STK32B: variants seen among roughly 807,000 people sequenced by gnomAD.
STK32B encodes the protein serine/threonine-protein kinase 32B.
STK32B carries 43 observed loss-of-function variants against 52.6 expected under a neutral mutation model. The observed-to-expected ratio is 0.82, with a 90% CI of 0.64 to 1.05. The LOEUF (loss-of-function observed/expected upper bound fraction) is 1.05. Ranked by LOEUF, STK32B falls within the 50% of genes least tolerant of loss-of-function variation. The pLI, the probability that STK32B is intolerant of heterozygous loss-of-function variation, is 0.00. For missense variants in STK32B, 621 were observed against 534.6 expected, an observed-to-expected ratio of 1.16 and a Z score of -1.59; for synonymous variants, 238 against 204.3, an observed-to-expected ratio of 1.17 and a Z score of -1.41.
upstream of STK32B, among the ~76,000 whole-genome samples, chr4:5,049,975 G>A (rs926799578): frequency 6.6e-6 from 1 of 152,158 alleles, no homozygotes; most frequent in Non-Finnish European, 1.5e-5. Flanking sequence ...AAGAAACTGA[G>A]TCCAGAACAG....
intron 6 of STK32B, among the ~76,000 whole-genome samples, chr4:5,445,746 C>T (rs1658885284): frequency 6.6e-6 from 1 of 152,174 alleles, no homozygotes; most frequent in Admixed American, 6.5e-5. Flanking sequence ...ATGAGCACCG[C>T]CTCTGTCTAG....
intron 9 of STK32B, among the ~76,000 whole-genome samples, chr4:5,465,185 A>G (rs370249404): frequency 7.2e-5 from 11 of 152,190 alleles, no homozygotes; most frequent in African/African-American, 2.7e-4. Flanking sequence ...CGAATGACAC[A>G]GTGACAACAA....
intron 4 of STK32B, among the ~76,000 whole-genome samples, chr4:5,335,358 T>G (rs868447332): frequency 6.6e-6 from 1 of 152,192 alleles, no homozygotes; most frequent in Non-Finnish European, 1.5e-5. Flanking sequence ...TCTATTTGAT[T>G]CTTCTCTCTT....
At chr4:5,482,534 G>A (rs1718802605) in intron 11 of STK32B, among the ~76,000 whole-genome samples, 1 of 152,186 alleles carries the variant, frequency 6.6e-6, no homozygotes, top group Non-Finnish European at 1.5e-5. Flanking sequence ...TCTGCCAACA[G>A]GGACAATTTG....
intron 3 of STK32B, among the ~76,000 whole-genome samples, chr4:5,222,641 A>G (rs1723612959): frequency 6.6e-6 from 1 of 152,262 alleles, no homozygotes; most frequent in Non-Finnish European, 1.5e-5. Context: ...GTGATGAACT[A>G]GAATATTTGC....
chr4:5,209,161 G>C (rs376258524), intron 3 of STK32B, among the ~76,000 whole-genome samples: 79 of 152,340 alleles, frequency 5.2e-4, no homozygotes, highest in African/African-American at 1.9e-3. Flanking sequence ...ATTAACAGTA[G>C]GGTGGGTGAA....
chr4:5,322,497 G>C (rs949315540), intron 3 of STK32B, among the ~76,000 whole-genome samples: 1 of 152,182 alleles, frequency 6.6e-6, no homozygotes, highest in Non-Finnish European at 1.5e-5. Flanking sequence ...CAGGAGATGA[G>C]TGTTGTAGAC....
chr4:5,181,174 C>T (rs183852327), intron 3 of STK32B, among the ~76,000 whole-genome samples: 1 of 152,276 alleles, frequency 6.6e-6, no homozygotes, highest in Admixed American at 6.5e-5. Context: ...TGTCCCCCTG[C>T]CTCAAATTCA....
At position 5,491,664 on chromosome 4, in the gene STK32B, C is replaced by A. The variant is rs541892072; in HGVS notation, c.1107-7281C>A. ...ATGAAGTCCTTGCCCATGCCTATAT[C>A]CTGAATGGTAATGCCTAGGTTTTCT... is the stretch of plus-strand genomic sequence containing the variant. On this transcript the variant is annotated intron_variant, in intron 11 of 11. Coordinates refer to ENST00000282908, the MANE Select transcript of STK32B (RefSeq NM_018401.3). Among the ~76,000 whole-genome samples the A allele has an allele frequency of 7.9e-4, 120 of 152,096 alleles. 1 individual carries two copies. The highest frequency in any genetic ancestry group is 3.4e-3 in the Middle Eastern group (1 of 294).
chr4:5,258,453 C>T (rs182221141), intron 3 of STK32B, among the ~76,000 whole-genome samples: 1 of 152,318 alleles, frequency 6.6e-6, no homozygotes, highest in Non-Finnish European at 1.5e-5. Context: ...TCCACAGCCT[C>T]TCAGGGCTCA....
chr4:5,400,200 G>T lies in STK32B; in HGVS notation c.472+1956G>T, dbSNP rs1485139229. Among the ~76,000 whole-genome samples, 1 of 152,202 alleles carries T rather than the reference G, an allele frequency of 6.6e-6. No homozygotes were observed. Among genetic ancestry groups the T allele is most frequent in the Non-Finnish European group, 1.5e-5 (1 of 68,036 alleles). ...CACAGACCTTGGCCACAGCTCCCCTGAAGCTGCTGCACAAAAGATATAGGC... is the reference window on the plus strand; with the variant it reads ...CACAGACCTTGGCCACAGCTCCCCTTAAGCTGCTGCACAAAAGATATAGGC... On this transcript the variant is annotated intron_variant, in intron 5 of 11. Transcript: ENST00000282908. The surrounding 1 kb of genome is among the most constrained non-coding windows in gnomAD (Gnocchi z 6.1).
chr4:5,106,206 G>A (rs1577072133), intron 1 of STK32B, among the ~76,000 whole-genome samples: 1 of 152,226 alleles, frequency 6.6e-6, no homozygotes. Context: ...GGAGGCTGAT[G>A]CAGGAGAATC....
intron 3 of STK32B, among the ~76,000 whole-genome samples, chr4:5,185,482 A>C (rs2108757642): frequency 6.6e-6 from 1 of 152,344 alleles, no homozygotes; most frequent in African/African-American, 2.4e-5. Flanking sequence ...TTAAAATAAA[A>C]CTATATTAAG....
At chr4:5,156,433 A>G (rs954676888) in intron 2 of STK32B, among the ~76,000 whole-genome samples, 8 of 152,190 alleles carry the variant, frequency 5.3e-5, no homozygotes, top group African/African-American at 1.9e-4. Flanking sequence ...TTTACTTCGC[A>G]CAGACACTCC....
At chr4:5,104,568 G>C (rs1026884141) in intron 1 of STK32B, among the ~76,000 whole-genome samples, 1 of 152,160 alleles carries the variant, frequency 6.6e-6, no homozygotes, top group Non-Finnish European at 1.5e-5. Context: ...AAGTGCATAA[G>C]GCATAAGTAT....
chr4:5,326,682 G>A (rs1731898801), intron 3 of STK32B, among the ~76,000 whole-genome samples: 1 of 152,166 alleles, frequency 6.6e-6, no homozygotes, highest in East Asian at 1.9e-4. Context: ...ACTCATCTGA[G>A]CCTTCTTTCA....
intron 11 of STK32B, among the ~76,000 whole-genome samples, chr4:5,480,499 A>T (rs1178907567): frequency 6.6e-6 from 1 of 152,226 alleles, no homozygotes; most frequent in Non-Finnish European, 1.5e-5. Flanking sequence ...TTTCTGGTTA[A>T]CAATTAGTTG....
chr4:5,084,603 A>G (rs919521036), intron 1 of STK32B, among the ~76,000 whole-genome samples: 1 of 152,190 alleles, frequency 6.6e-6, no homozygotes, highest in Non-Finnish European at 1.5e-5. Context: ...TCTGAATGCA[A>G]GGTTTTCAGA....
intron 6 of STK32B, among the ~76,000 whole-genome samples, chr4:5,431,248 T>C (rs1713549602): frequency 1.3e-5 from 2 of 152,246 alleles, no homozygotes; most frequent in Admixed American, 6.5e-5. Context: ...GGCCAGATCA[T>C]GTATTACCTG....
Sources: allele counts gnomAD v4.1 joint callset (sites outside exome capture counted in the v4.1 genomes callset), GRCh38; gene constraint gnomAD v4.1.1; non-coding constraint Gnocchi (gnomAD v3.1); transcripts MANE v1.5; gene names NCBI Gene and HGNC (gene_info 2026-07-23, HGNC 2026-07-21).